Variants in FAM83B observed in about 807,000 individuals in gnomAD.
FAM83B encodes protein FAM83B.
FAM83B carries 26 observed loss-of-function variants against 38.8 expected under a neutral mutation model. The observed-to-expected ratio is 0.67, with a 90% confidence interval of 0.49 to 0.93. The LOEUF is 0.93. FAM83B is among the 40% of genes least tolerant of loss of function. The pLI, the probability that FAM83B is intolerant of heterozygous loss-of-function variation, is 0.00. For synonymous variants in FAM83B, 419 were observed against 423.1 expected, an observed-to-expected ratio of 0.99 and a Z score of 0.12; for missense variants, 1,237 against 1,197.3, an observed-to-expected ratio of 1.03 and a Z score of -0.49.
intron 1 of FAM83B, among the ~76,000 whole-genome samples, chr6:54,857,405 T>C (rs1311083997): frequency 6.6e-6 from 1 of 152,196 alleles, no homozygotes; most frequent in Non-Finnish European, 1.5e-5. Flanking sequence ...TAAATTATAC[T>C]ACATTTCTGA....
intron 2 of FAM83B, among the ~76,000 whole-genome samples, chr6:54,903,776 CT>C (rs1406194117): frequency 6.6e-6 from 1 of 151,840 alleles, no homozygotes; most frequent in African/African-American, 2.4e-5. Context: ...TAGTTACATA[CT>C]ATTTTATTCT....
At position 54,876,278 on chromosome 6, in the gene FAM83B, CATATATATATATATATATAT is replaced by C. The variant is rs3996949; in HGVS notation, c.444+5611_444+5630del. Among the ~76,000 whole-genome samples the C allele has an allele frequency of 3.5e-3, 341 of 96,192 alleles. 2 individuals are homozygous for C. The highest frequency in any genetic ancestry group is 0.031 in the East Asian group (121 of 3,870). The allele number at this position is 96,192 out of a possible 152,430, so 63.1% of individuals were successfully genotyped here. A position where few individuals can be genotyped will look rare whatever the true frequency, so the allele number is the denominator to read the frequency against. ...TTAAAATGCAAGTTATTTAGGAGTG[CATATATATATATATATATAT>C]ATATATATATATATATATATATGTT... On this transcript the variant is annotated intron_variant, in intron 2 of 4. Transcript: ENST00000306858.
intron 2 of FAM83B, among the ~76,000 whole-genome samples, chr6:54,876,194 A>G (rs1197952317): frequency 6.6e-6 from 1 of 150,840 alleles, no homozygotes; most frequent in Non-Finnish European, 1.5e-5. Context: ...TAAGTTTATC[A>G]GAGTCTTTGC....
chr6:54,888,962 T>G, intron 2 of FAM83B, among the ~76,000 whole-genome samples: 1 of 152,106 alleles, frequency 6.6e-6, no homozygotes, highest in South Asian at 2.1e-4. Context: ...TATAATTTTC[T>G]CTCTCTGTAC....
chr6:54,876,490 C>T (rs1229168948), intron 2 of FAM83B, among the ~76,000 whole-genome samples: 1 of 150,942 alleles, frequency 6.6e-6, no homozygotes, highest in East Asian at 1.9e-4. Context: ...ACGCCCGGCT[C>T]ATTTTTGTAT....
chr6:54,936,948 G>T (rs1773535427), intron 4 of FAM83B, among the ~76,000 whole-genome samples: 1 of 140,368 alleles, frequency 7.1e-6, no homozygotes, highest in Non-Finnish European at 1.5e-5. Context: ...TCTGTATCAT[G>T]CTTCCTATAG....
At chr6:54,920,408 G>A (rs981306356) in intron 2 of FAM83B, among the ~76,000 whole-genome samples, 1 of 151,492 alleles carries the variant, frequency 6.6e-6, no homozygotes, top group Non-Finnish European at 1.5e-5. Flanking sequence ...TCTCTATTTA[G>A]GCAATTACAA....
intron 2 of FAM83B, among the ~76,000 whole-genome samples, chr6:54,909,501 G>T (rs1157214767): frequency 6.6e-6 from 1 of 151,976 alleles, no homozygotes; most frequent in African/African-American, 2.4e-5. Flanking sequence ...CAATTTTCAG[G>T]AATTCAAAAG....
intron 1 of FAM83B, among the ~76,000 whole-genome samples, chr6:54,852,727 T>G (rs1467496849): frequency 1.3e-5 from 2 of 152,096 alleles, no homozygotes; most frequent in Non-Finnish European, 2.9e-5. Flanking sequence ...AAAGGAAAAG[T>G]TGTTGAAGGA....
intron 1 of FAM83B, among the ~76,000 whole-genome samples, chr6:54,869,630 G>A (rs1206667506): frequency 6.6e-6 from 1 of 152,092 alleles, no homozygotes; most frequent in Non-Finnish European, 1.5e-5. Context: ...TCCGGGTCCA[G>A]CCGAAGCCCA....
At chr6:54,865,381 A>G (rs965620515) in intron 1 of FAM83B, among the ~76,000 whole-genome samples, 1 of 152,186 alleles carries the variant, frequency 6.6e-6, no homozygotes, top group Non-Finnish European at 1.5e-5. Flanking sequence ...CACAAGTCAT[A>G]TAGTCATATT....
chr6:54,871,415 G>C (rs2127575484), intron 2 of FAM83B, among the ~76,000 whole-genome samples: 1 of 151,776 alleles, frequency 6.6e-6, no homozygotes, highest in African/African-American at 2.4e-5. Context: ...GCTCAATCTA[G>C]AGTTTTAAAA....
At position 54,944,469 on chromosome 6, in the gene FAM83B, A is replaced by G. The variant is rs921877131; in HGVS notation, c.*2462A>G. 3.3e-5 allele frequency: 5 copies of G among 152,220 alleles called. No individual in the cohort carries two copies. The highest frequency in any genetic ancestry group is 1.2e-4 in the African/African-American group (5 of 41,464). The allele number at this position is 152,220 out of a possible 1,614,324, so 9.4% of individuals were successfully genotyped here. ...TAGAGAATACTGCAAGTGACCCTGT[A>G]TCCCGAATACACAGATATCCCTCTA... On this transcript the variant is annotated 3_prime_UTR_variant, in exon 5 of 5. Coordinates refer to ENST00000306858, the MANE Select transcript of FAM83B (RefSeq NM_001010872.3).
At chr6:54,911,140 C>CGTGTGTGTGTGTGTGTGTGT (rs138421344) in intron 2 of FAM83B, among the ~76,000 whole-genome samples, 8 of 147,494 alleles carry the variant, frequency 5.4e-5, no homozygotes, top group Non-Finnish European at 1.2e-4. Flanking sequence ...TGACACACAG[C>CGTGTGTGTGTGTGTGTGTGT]GTGTGTGTGT....
At chr6:54,864,860 A>G (rs1311515363) in intron 1 of FAM83B, among the ~76,000 whole-genome samples, 1 of 152,202 alleles carries the variant, frequency 6.6e-6, no homozygotes, top group Non-Finnish European at 1.5e-5. Context: ...GATACATATC[A>G]TAAAGTCAAT....
chr6:54,873,971 T>A (rs760606180), intron 2 of FAM83B, among the ~76,000 whole-genome samples: 4 of 152,082 alleles, frequency 2.6e-5, no homozygotes, highest in Non-Finnish European at 4.4e-5. Flanking sequence ...GAAGTCTGAT[T>A]ATAAGCACCA....
At chr6:54,891,061 G>GTCCTCTAGA (rs1772391100) in intron 2 of FAM83B, among the ~76,000 whole-genome samples, 1 of 151,972 alleles carries the variant, frequency 6.6e-6, no homozygotes, top group African/African-American at 2.4e-5. Flanking sequence ...CATCATGACA[G>GTCCTCTAGA]TCCTCTAGAG....
At chr6:54,929,969 T>C (rs1032138027) in intron 4 of FAM83B, among the ~76,000 whole-genome samples, 4 of 152,156 alleles carry the variant, frequency 2.6e-5, no homozygotes, top group South Asian at 2.1e-4. Context: ...TCAATTCTTT[T>C]AGTTGGTTCT....
rs571180640 is a variant in FAM83B at position 54,905,910 on chromosome 6, G to A, written c.445-20461G>A. On this transcript the variant is annotated intron_variant, in intron 2 of 4. Transcript: ENST00000306858. ...AACATGTTTTTCTCTTCTATTAGAAGAACAAAATCCCACTATTTATCCTAT... is the reference window on the plus strand; with the variant it reads ...AACATGTTTTTCTCTTCTATTAGAAAAACAAAATCCCACTATTTATCCTAT... 9.2e-5 allele frequency among the ~76,000 whole-genome samples: 14 copies of A among 151,774 alleles called. No individual in the cohort carries two copies. In the South Asian group the frequency reaches 2.5e-3, roughly 27 times the overall value.
Sources: gnomAD v4.1 joint callset for allele counts (sites outside exome capture counted in the v4.1 genomes callset) on GRCh38, gnomAD v4.1.1 for gene constraint, MANE v1.5 for transcripts, NCBI Gene and HGNC (gene_info 2026-07-23, HGNC 2026-07-21) for gene names.